CTNNA2: variants seen among roughly 807,000 people sequenced by gnomAD.
CTNNA2 encodes the protein catenin alpha 2.
Under a neutral mutation model 101.0 loss-of-function variants are expected in CTNNA2, and 42 were observed. The observed-to-expected ratio is 0.42, with a 90% CI of 0.32 to 0.54. The LOEUF (loss-of-function observed/expected upper bound fraction) is 0.54, where lower values mean the gene tolerates loss of function less well. Ranked by LOEUF, CTNNA2 falls within the 20% of genes least tolerant of loss-of-function variation. The pLI is 0.14. For missense variants in CTNNA2, 871 were observed against 1,223.1 expected (o/e 0.71, Z 4.29); for synonymous variants, 450 against 456.4 (o/e 0.99, Z 0.18).
intron 10 of CTNNA2, 34 bp downstream of exon 10, chr2:80,545,108 C>T: frequency 1.9e-6 from 3 of 1,601,156 alleles, no homozygotes; most frequent in Non-Finnish European, 1.7e-6. Context: ...AAAAGCCTGT[C>T]AGTGACCTTC....
chr2:79,226,771 A>C (rs1335382636), intron 2 of CTNNA2, among the ~76,000 whole-genome samples: 1 of 152,158 alleles, frequency 6.6e-6, no homozygotes, highest in Non-Finnish European at 1.5e-5. Context: ...TGAATGTGAA[A>C]ATGTGAAATA....
chr2:80,497,902 A>G (rs993365115), intron 9 of CTNNA2, among the ~76,000 whole-genome samples: 1 of 152,146 alleles, frequency 6.6e-6, no homozygotes, highest in Non-Finnish European at 1.5e-5. Flanking sequence ...GCCTCAGATG[A>G]GATCAGACCA....
At chr2:80,332,721 G>A (rs1302552524) in intron 7 of CTNNA2, among the ~76,000 whole-genome samples, 3 of 152,166 alleles carry the variant, frequency 2.0e-5, no homozygotes. Context: ...CCTTGTTCTT[G>A]AGACAAGAAG....
At chr2:80,157,162 T>C (rs908733064) in intron 7 of CTNNA2, among the ~76,000 whole-genome samples, 2 of 152,164 alleles carry the variant, frequency 1.3e-5, no homozygotes, top group African/African-American at 4.8e-5. Flanking sequence ...CCTCTTCATC[T>C]CAGGGTAGAA....
intron 7 of CTNNA2, among the ~76,000 whole-genome samples, chr2:80,338,898 A>C (rs1182940977): frequency 2.0e-5 from 3 of 152,292 alleles, no homozygotes; most frequent in Non-Finnish European, 4.4e-5. Context: ...CAAAGGAACA[A>C]ATTTAAAAAT....
At chr2:79,249,676 C>T (rs1674744377) in intron 2 of CTNNA2, among the ~76,000 whole-genome samples, 1 of 152,202 alleles carries the variant, frequency 6.6e-6, no homozygotes. Flanking sequence ...TGTTTGTAGA[C>T]TTTGGAATTA....
chr2:80,497,579 C>T (rs979624946), intron 9 of CTNNA2, among the ~76,000 whole-genome samples: 4 of 152,178 alleles, frequency 2.6e-5, no homozygotes, highest in Admixed American at 1.3e-4. Flanking sequence ...CCCAAGATTT[C>T]TGTCCCCTGT....
At chr2:80,404,070 C>G (rs995930488) in intron 8 of CTNNA2, among the ~76,000 whole-genome samples, 23 of 152,096 alleles carry the variant, frequency 1.5e-4, no homozygotes, top group African/African-American at 3.9e-4. Context: ...CTGAAATTTT[C>G]TTTTTGTGTT....
chr2:79,809,102 C>G (rs2105328829), intron 3 of CTNNA2, among the ~76,000 whole-genome samples: 1 of 152,234 alleles, frequency 6.6e-6, no homozygotes, highest in African/African-American at 2.4e-5. Context: ...ATCCATGTCC[C>G]TGCAAAGGAC....
At chr2:80,047,882 G>A (rs1003873412) in intron 7 of CTNNA2, among the ~76,000 whole-genome samples, 3 of 152,160 alleles carry the variant, frequency 2.0e-5, no homozygotes, top group South Asian at 4.1e-4. Context: ...ATGCAGGAGC[G>A]TGAGCAATCA....
At chr2:80,267,157 T>C (rs1673063821) in intron 7 of CTNNA2, among the ~76,000 whole-genome samples, 1 of 152,134 alleles carries the variant, frequency 6.6e-6, no homozygotes, top group Non-Finnish European at 1.5e-5. Context: ...GGACTGCTCC[T>C]TCCGATGGCT....
chr2:79,691,435 A>T (rs1684291584), intron 2 of CTNNA2, among the ~76,000 whole-genome samples: 1 of 151,988 alleles, frequency 6.6e-6, no homozygotes, highest in African/African-American at 2.4e-5. Context: ...TAGTAATGGC[A>T]TAACAATAGT....
chr2:79,409,183 T>A (rs1185938368), intron 4 of CTNNA2, among the ~76,000 whole-genome samples: 1 of 152,210 alleles, frequency 6.6e-6, no homozygotes, highest in Non-Finnish European at 1.5e-5. Context: ...GAGTTCATTG[T>A]AGATTCTGGA....
intron 7 of CTNNA2, among the ~76,000 whole-genome samples, chr2:80,094,790 T>G (rs1700039820): frequency 6.6e-6 from 1 of 152,242 alleles, no homozygotes; most frequent in Admixed American, 6.5e-5. Context: ...AGTTCACTCA[T>G]GATTTGGCTC....
chr2:79,198,715 A>C (rs988136407), intron 2 of CTNNA2, among the ~76,000 whole-genome samples: 1 of 135,326 alleles, frequency 7.4e-6, no homozygotes, highest in Non-Finnish European at 1.6e-5. Flanking sequence ...TTGAGCTACT[A>C]ATGTCTTAGG....
At chr2:79,385,753 G>A (rs974559506) in intron 4 of CTNNA2, among the ~76,000 whole-genome samples, 5 of 151,820 alleles carry the variant, frequency 3.3e-5, no homozygotes, top group African/African-American at 7.3e-5. Flanking sequence ...CTCACTGTTC[G>A]ACTCCCACCT....
At chr2:79,775,945 G>A (rs1002422290) in intron 3 of CTNNA2, among the ~76,000 whole-genome samples, 1 of 152,110 alleles carries the variant, frequency 6.6e-6, no homozygotes, top group African/African-American at 2.4e-5. Flanking sequence ...ATTCTCCATA[G>A]TTGGTAAGGG....
chr2:79,857,819 G>C (rs962350278), intron 3 of CTNNA2, among the ~76,000 whole-genome samples, 194 bp from the exon 4 acceptor site: 4 of 152,168 alleles, frequency 2.6e-5, no homozygotes, highest in African/African-American at 7.2e-5. Context: ...CACCTTGTTT[G>C]GTCCACAGCA....
At chr2:79,582,485 C>A (rs992919965) in intron 1 of CTNNA2, among the ~76,000 whole-genome samples, 1 of 152,228 alleles carries the variant, frequency 6.6e-6, no homozygotes, top group South Asian at 2.1e-4. Flanking sequence ...CATTTTATCT[C>A]CGCATGCTCA....
Sources: gnomAD v4.1 joint callset for allele counts (sites outside exome capture counted in the v4.1 genomes callset) on GRCh38, gnomAD v4.1.1 for gene constraint, MANE v1.5 for transcripts, NCBI Gene and HGNC (gene_info 2026-07-23, HGNC 2026-07-21) for gene names.